NOX4: variants seen among roughly 807,000 people sequenced by gnomAD.
NOX4 encodes the protein kidney oxidase-1.
In NOX4, 69 loss-of-function variants were observed where a neutral mutation model predicts 87.6. The ratio of observed to expected loss-of-function variants is 0.79; its 90% CI spans 0.65 to 0.96. NOX4 has a LOEUF of 0.96. Among genes scored for constraint, NOX4 ranks in the 40% least tolerant of loss-of-function variants. The pLI, the probability that NOX4 is intolerant of heterozygous loss-of-function variation, is 0.00. For missense variants in NOX4, 680 were observed against 681.5 expected, an observed-to-expected ratio of 1.00 and a Z score of 0.02; for synonymous variants, 275 against 238.2, an observed-to-expected ratio of 1.15 and a Z score of -1.42.
At chr11:89,443,184 T>C (rs944673034) in intron 5 of NOX4, among the ~76,000 whole-genome samples, 3 of 152,198 alleles carry the variant, frequency 2.0e-5, no homozygotes, top group African/African-American at 7.2e-5. Context: ...ACAAGGGCTA[T>C]ATCAAAAGTT....
At chr11:89,560,811 C>T in the NOX4 span, among the ~76,000 whole-genome samples, 3 of 151,196 alleles carry the variant, frequency 2.0e-5, no homozygotes, top group African/African-American at 7.3e-5. Context: ...GTTCTCAGGC[C>T]TTTAGCCTCA....
At chr11:89,534,605 T>C in the NOX4 span, among the ~76,000 whole-genome samples, 2 of 152,340 alleles carry the variant, frequency 1.3e-5, no homozygotes, top group African/African-American at 4.8e-5. Context: ...GCCAGGGCCT[T>C]ATCCCGGGGA....
chr11:89,577,280 CAAT>C, the NOX4 span: 2 of 151,920 alleles, frequency 1.3e-5, no homozygotes, highest in East Asian at 1.9e-4. Flanking sequence ...ATTTCATTCT[CAAT>C]GATGATATAT....
At chr11:89,547,825 G>T in the NOX4 span, among the ~76,000 whole-genome samples, 2 of 151,958 alleles carry the variant, frequency 1.3e-5, no homozygotes, top group Non-Finnish European at 1.5e-5. Context: ...GAGAATCAGC[G>T]CTGGGAACGT....
At chr11:89,550,747 G>A in the NOX4 span, among the ~76,000 whole-genome samples, 1 of 152,072 alleles carries the variant, frequency 6.6e-6, no homozygotes, top group East Asian at 1.9e-4. Context: ...TGGGTTGCCT[G>A]TTCACTCTGA....
intron 11 of NOX4, among the ~76,000 whole-genome samples, chr11:89,375,498 G>A (rs1365381853): frequency 6.6e-6 from 1 of 152,012 alleles, no homozygotes; most frequent in African/African-American, 2.4e-5. Flanking sequence ...AGTAGAGTTT[G>A]GGTTTCACAG....
chr11:89,453,686 A>G (rs1240302588), intron 2 of NOX4, among the ~76,000 whole-genome samples: 1 of 152,144 alleles, frequency 6.6e-6, no homozygotes, highest in Non-Finnish European at 1.5e-5. Context: ...AATTAACGAT[A>G]TTGTCTTCCT....
intron 8 of NOX4, among the ~76,000 whole-genome samples, chr11:89,416,492 A>G (rs937503118): frequency 6.6e-6 from 1 of 152,180 alleles, no homozygotes. Context: ...TATTGCACAA[A>G]TATCTCTATC....
chr11:89,376,447 C>G (rs1272361289), intron 11 of NOX4, among the ~76,000 whole-genome samples: 1 of 152,050 alleles, frequency 6.6e-6, no homozygotes, highest in African/African-American at 2.4e-5. Flanking sequence ...TAGAAAACAT[C>G]TCAAAGGGAA....
intron 4 of NOX4, among the ~76,000 whole-genome samples, chr11:89,444,524 TACACAC>T (rs35340897): frequency 1.2e-3 from 174 of 144,942 alleles, no homozygotes; most frequent in African/African-American, 3.1e-3. Context: ...CTAACACACA[TACACAC>T]ACACACACAC....
At chr11:89,505,736 G>A in the NOX4 span, among the ~76,000 whole-genome samples, 2 of 151,914 alleles carry the variant, frequency 1.3e-5, no homozygotes, top group African/African-American at 4.8e-5. Context: ...ACTGATATCA[G>A]TTCGATGAAA....
chr11:89,435,666 G>A (rs1386654883), intron 6 of NOX4, among the ~76,000 whole-genome samples: 3 of 151,994 alleles, frequency 2.0e-5, no homozygotes, highest in Non-Finnish European at 4.4e-5. Flanking sequence ...CTTAGAGGAA[G>A]TAAAATAGTT....
chr11:89,507,120 TA>T, the NOX4 span, among the ~76,000 whole-genome samples: 1 of 151,924 alleles, frequency 6.6e-6, no homozygotes, highest in Non-Finnish European at 1.5e-5. Context: ...TTATAGAAAG[TA>T]GATGAAGATT....
At chr11:89,481,158 C>A (rs757849211) in intron 2 of NOX4, among the ~76,000 whole-genome samples, 3 of 151,984 alleles carry the variant, frequency 2.0e-5, no homozygotes, top group Non-Finnish European at 2.9e-5. Flanking sequence ...AAGGGTAAAT[C>A]TCTGTCCTAG....
chr11:89,566,000 C>A, the NOX4 span, among the ~76,000 whole-genome samples: 1 of 150,776 alleles, frequency 6.6e-6, no homozygotes, highest in Non-Finnish European at 1.5e-5. Context: ...ACAGCTGCAT[C>A]TCTGTATATA....
At chr11:89,415,393 T>C (rs1195582677) in intron 8 of NOX4, among the ~76,000 whole-genome samples, 1 of 152,054 alleles carries the variant, frequency 6.6e-6, no homozygotes, top group Non-Finnish European at 1.5e-5. Context: ...TGATTCTAAC[T>C]CTAAATAAAA....
chr11:89,564,213 T>C, the NOX4 span, among the ~76,000 whole-genome samples: 1 of 152,154 alleles, frequency 6.6e-6, no homozygotes, highest in Admixed American at 6.5e-5. Flanking sequence ...TGAAACTGGG[T>C]AATTTATAAA....
chr11:89,467,212 C>T (rs924810130), intron 2 of NOX4, among the ~76,000 whole-genome samples: 2 of 151,610 alleles, frequency 1.3e-5, no homozygotes, highest in Non-Finnish European at 2.9e-5. Context: ...TTAGCTGGGC[C>T]TAGTGGCGGG....
At chr11:89,467,131 G>A (rs769393140) in intron 2 of NOX4, among the ~76,000 whole-genome samples, 10 of 151,814 alleles carry the variant, frequency 6.6e-5, no homozygotes, top group East Asian at 2.0e-4. Context: ...GGCGGATCAC[G>A]AGATCAGGAG....
Sources: allele counts gnomAD v4.1 joint callset (sites outside exome capture counted in the v4.1 genomes callset), GRCh38; gene constraint gnomAD v4.1.1; transcripts MANE v1.5; gene names NCBI Gene and HGNC (gene_info 2026-07-23, HGNC 2026-07-21).